GNA14: variants seen among roughly 807,000 people sequenced by gnomAD.
GNA14 encodes the protein G protein subunit alpha 14, also known as guanine nucleotide-binding protein subunit alpha-14.
Under a neutral mutation model 42.0 loss-of-function variants are expected in GNA14, and 50 were observed. The ratio of observed to expected loss-of-function variants is 1.19; its 90% CI spans 0.95 to 1.51. The LOEUF (loss-of-function observed/expected upper bound fraction) is 1.51. Ranked by LOEUF, GNA14 falls within the 40% of genes most tolerant of loss-of-function variation. The probability of loss-of-function intolerance (pLI) is 0.00; values close to 1 mark genes in which losing one functional copy is unlikely to be tolerated. For synonymous variants in GNA14, 173 were observed against 163.1 expected, an observed-to-expected ratio of 1.06 and a Z score of -0.46; for missense variants, 473 against 446.2, an observed-to-expected ratio of 1.06 and a Z score of -0.54.
At chr9:77,472,811 T>TCTCTCTCTCTCC (rs1836355742) in intron 2 of GNA14, among the ~76,000 whole-genome samples, 1 of 151,604 alleles carries the variant, frequency 6.6e-6, no homozygotes, top group Non-Finnish European at 1.5e-5. Context: ...TCTCTCTCTC[T>TCTCTCTCTCTCC]CTCTCTCCTC....
chr9:77,442,265 G>A (rs145061508), intron 2 of GNA14, among the ~76,000 whole-genome samples: 1,663 of 152,244 alleles, frequency 0.011, 25 homozygotes, highest in African/African-American at 0.038. Flanking sequence ...CTAGCTACTC[G>A]GGAGGCTGAG....
At chr9:77,571,885 T>C (rs557614911) in intron 1 of GNA14, among the ~76,000 whole-genome samples, 3 of 152,338 alleles carry the variant, frequency 2.0e-5, no homozygotes, top group East Asian at 3.9e-4. Context: ...TTTTGATATA[T>C]TGGGTTAAAT....
At chr9:77,588,995 TTG>T (rs1823347716) in intron 1 of GNA14, among the ~76,000 whole-genome samples, 1 of 152,168 alleles carries the variant, frequency 6.6e-6, no homozygotes, top group Non-Finnish European at 1.5e-5. Context: ...AAAGAACTGT[TTG>T]TTTGCTTTAG....
chr9:77,643,008 C>T (rs1369984620), intron 1 of GNA14, among the ~76,000 whole-genome samples: 1 of 152,104 alleles, frequency 6.6e-6, no homozygotes, highest in African/African-American at 2.4e-5. Flanking sequence ...AGAGGCTCCC[C>T]CTTTACGCTC....
At chr9:77,591,837 C>T (rs971801017) in intron 1 of GNA14, among the ~76,000 whole-genome samples, 4 of 152,076 alleles carry the variant, frequency 2.6e-5, no homozygotes, top group South Asian at 2.1e-4. Context: ...TCCCATAATA[C>T]TTCTCATGCA....
chr9:77,631,649 A>C (rs1824102150), intron 1 of GNA14, among the ~76,000 whole-genome samples: 1 of 151,678 alleles, frequency 6.6e-6, no homozygotes, highest in African/African-American at 2.4e-5. Flanking sequence ...AAAGTAAAAT[A>C]AAACAAAAAC....
chr9:77,567,180 T>G (rs1355399880), intron 1 of GNA14, among the ~76,000 whole-genome samples: 1 of 152,212 alleles, frequency 6.6e-6, no homozygotes, highest in African/African-American at 2.4e-5. Flanking sequence ...TAAAATGTAT[T>G]GCTCCCATAT....
At chr9:77,554,725 A>G (rs2131784442) in intron 1 of GNA14, among the ~76,000 whole-genome samples, 1 of 152,302 alleles carries the variant, frequency 6.6e-6, no homozygotes, top group East Asian at 1.9e-4. Context: ...CTTCAGAAAA[A>G]CATCTCCTGT....
chr9:77,570,340 C>G lies in GNA14; in HGVS notation c.125-41087G>C, dbSNP rs115140121. 5.1e-3 allele frequency among the ~76,000 whole-genome samples: 771 copies of G among 152,196 alleles called. 8 individuals carry two copies. The highest frequency in any genetic ancestry group is 0.018 in the African/African-American group (739 of 41,524). On this transcript the variant is annotated intron_variant, in intron 1 of 6. Transcript: ENST00000341700. ...ACAATCTCATTTTAGAACATCTTAT[C>G]ATGTTTTAAAGAAAGAAACCCCAAA...
intron 1 of GNA14, among the ~76,000 whole-genome samples, chr9:77,597,043 G>A (rs1292893622): frequency 6.6e-6 from 1 of 152,208 alleles, no homozygotes; most frequent in Non-Finnish European, 1.5e-5. Context: ...CTGAGGCTGT[G>A]TCATGGGTAC....
intron 1 of GNA14, among the ~76,000 whole-genome samples, chr9:77,562,883 T>C (rs1370983696): frequency 5.3e-5 from 8 of 152,174 alleles, no homozygotes; most frequent in South Asian, 2.1e-4. Flanking sequence ...CTGTAAGTGG[T>C]CTTTTCCTGA....
chr9:77,635,886 T>G (rs564860011), intron 1 of GNA14, among the ~76,000 whole-genome samples: 2 of 152,330 alleles, frequency 1.3e-5, no homozygotes, highest in Admixed American at 6.5e-5. Context: ...GATCAAAGTT[T>G]GTACTTGTGT....
At chr9:77,445,027 C>A (rs1021661433) in intron 2 of GNA14, among the ~76,000 whole-genome samples, 2 of 152,198 alleles carry the variant, frequency 1.3e-5, no homozygotes, top group Non-Finnish European at 2.9e-5. Context: ...CAGAGCCCCA[C>A]ACGAATGCTG....
chr9:77,522,752 C>A (rs139899650), intron 2 of GNA14, among the ~76,000 whole-genome samples: 1 of 152,072 alleles, frequency 6.6e-6, no homozygotes, highest in Non-Finnish European at 1.5e-5. Context: ...TTGGCATTGG[C>A]GTAGCAGCCC....
At position 77,465,077 on chromosome 9, in the gene GNA14, G is replaced by A. The variant is rs1305133201; in HGVS notation, c.310-30555C>T. On this transcript the variant is annotated intron_variant, in intron 2 of 6. Transcript: ENST00000341700. ...ATGGCTCTGCCAACACCTTGATTTT[G>A]GACTTCTAGCTTCCAGAACTATGAA... 2.0e-5 allele frequency among the ~76,000 whole-genome samples: 3 copies of A among 152,162 alleles called. No homozygotes were observed. In the East Asian group the frequency reaches 5.8e-4, roughly 29 times the overall value.
intron 3 of GNA14, among the ~76,000 whole-genome samples, chr9:77,432,626 C>A (rs1835575916): frequency 1.3e-5 from 2 of 152,154 alleles, no homozygotes; most frequent in South Asian, 4.1e-4. Context: ...TGCCTTGAGT[C>A]CTGCCGGTTT....
At chr9:77,465,405 T>C (rs1446057271) in intron 2 of GNA14, among the ~76,000 whole-genome samples, 1 of 152,244 alleles carries the variant, frequency 6.6e-6, no homozygotes. Context: ...CATTTATTTA[T>C]CTCCTCCTTC....
intron 2 of GNA14, among the ~76,000 whole-genome samples, chr9:77,488,996 G>T (rs1368886897): frequency 6.6e-6 from 1 of 151,950 alleles, no homozygotes; most frequent in Non-Finnish European, 1.5e-5. Context: ...AATTCAAAAT[G>T]GCAGTTTTAA....
chr9:77,628,640 G>T (rs1396380995), intron 1 of GNA14, among the ~76,000 whole-genome samples: 2 of 152,130 alleles, frequency 1.3e-5, no homozygotes, highest in African/African-American at 4.8e-5. Flanking sequence ...AATGGGGAAA[G>T]AATTCCATAT....
Sources: gnomAD v4.1 joint callset for allele counts (sites outside exome capture counted in the v4.1 genomes callset) on GRCh38, gnomAD v4.1.1 for gene constraint, MANE v1.5 for transcripts, NCBI Gene and HGNC (gene_info 2026-07-23, HGNC 2026-07-21) for gene names.